Variants in EGFL7 observed in about 807,000 individuals in gnomAD.
The protein encoded by EGFL7 is EGF like domain multiple 7, also known as epidermal growth factor-like protein 7.
A neutral mutation model predicts 37.1 loss-of-function variants in EGFL7; 48 were observed. The observed-to-expected ratio is 1.29, with a 90% CI of 1.03 to 1.65. EGFL7 has a LOEUF of 1.65. Among genes scored for constraint, EGFL7 ranks in the 40% most tolerant of loss-of-function variants. EGFL7 has a pLI of 0.00. For synonymous variants in EGFL7, 180 were observed against 156.8 expected (o/e 1.15, Z -1.10); for missense variants, 384 against 378.9 (o/e 1.01, Z -0.11).
rs146409818 is a variant in EGFL7, at chr9:136,670,254, G to A, written c.495G>A (p.Glu165=). The A allele has an allele frequency of 7.1e-4, 1,142 of 1,612,536 alleles. 8 individuals carry two copies. The African/African-American group carries it at 0.013, about 19-fold the overall frequency. ...TAGSYWCQCW[E]GHSLSADGTL... is the part of the protein sequence containing the mutation. The stretch of plus-strand genomic sequence containing the variant: ...GCAGTTACTGGTGCCAGTGTTGGGA[G>A]GGGCACAGCCTGTCTGCAGACGGTA... Residue 165 remains glutamate, a synonymous_variant, in exon 8 of 11, where the codon GAG becomes GAA. Coordinates refer to ENST00000308874, the MANE Select transcript of EGFL7 (RefSeq NM_016215.5).
At chr9:136,670,549 G>A (rs1317197350) in intron 8 of EGFL7, 31 of 793,886 alleles carry the variant, frequency 3.9e-5, no homozygotes, top group East Asian at 2.0e-4. Context: ...GAAGTGCCCC[G>A]TCCCGGGGTC....
chr9:136,662,581 C>T (rs932449318), upstream of EGFL7, among the ~76,000 whole-genome samples: 4 of 152,192 alleles, frequency 2.6e-5, no homozygotes, highest in East Asian at 1.9e-4. Flanking sequence ...TCCAGCCACA[C>T]GTGAGCATGG....
chr9:136,671,963 C>A lies in EGFL7; in HGVS notation c.674C>A (p.Ala225Asp). Reference sequence around the variant, plus strand: ...GTGCTGGCCCCACTGCACAGCCTGGCCTCGCAGGCACTGGAGCATGGGCTC... The same window carrying A: ...GTGCTGGCCCCACTGCACAGCCTGGACTCGCAGGCACTGGAGCATGGGCTC... ...QLVLAPLHSL[A>D]SQALEHGLPD... is the part of the protein sequence containing the mutation. The change falls in exon 10 of 11, where the codon GCC (alanine) becomes GAC (aspartate). Residue 225 changes from alanine to aspartate, a missense_variant. Coordinates refer to ENST00000308874, the MANE Select transcript of EGFL7 (RefSeq NM_016215.5). The A allele has an allele frequency of 6.5e-7, 1 of 1,536,736 alleles. No individual in the cohort carries two copies. Among genetic ancestry groups the A allele is most frequent in the Non-Finnish European group, 8.7e-7 (1 of 1,144,524 alleles).
Position 136,669,727 on chromosome 9 carries a change from G to T in EGFL7, c.313+6G>T. The T allele has an allele frequency of 6.3e-7, 1 of 1,575,978 alleles. No homozygotes were observed. Among genetic ancestry groups the T allele is most frequent in the South Asian group, 1.1e-5 (1 of 87,002 alleles). On this transcript the variant is annotated splice_donor_region_variant and intron_variant, in intron 6 of 10. Transcript: ENST00000308874. ...TCCTGGGGCCTGTGGAGCAGGTGAG[G>T]GCTATGTCCCTCGGCGCCCGGTGTT...
intron 3 of EGFL7, among the ~76,000 whole-genome samples, chr9:136,665,237 A>T (rs1354896611): frequency 1.3e-5 from 2 of 152,210 alleles, no homozygotes; most frequent in Admixed American, 6.5e-5. Flanking sequence ...GCTAGGAGGC[A>T]GGCCTGGGCT....
At chr9:136,663,373 G>A (rs1845264281) in intron 1 of EGFL7, 35 bp from the exon 2 acceptor site, 1 of 152,502 alleles carries the variant, frequency 6.6e-6, no homozygotes, top group Non-Finnish European at 1.5e-5. Context: ...CCCTTCCCCT[G>A]AACCCCACCC....
chr9:136,664,471 T>C (rs1845336420), intron 2 of EGFL7, among the ~76,000 whole-genome samples: 1 of 151,700 alleles, frequency 6.6e-6, no homozygotes, highest in Non-Finnish European at 1.5e-5. Context: ...CTGGAGGCAA[T>C]AACCCCATTT....
intron 5 of EGFL7, 107 bp downstream of exon 5, chr9:136,668,780 A>C: frequency 9.6e-7 from 1 of 1,041,308 alleles, no homozygotes; most frequent in South Asian, 1.4e-5. Flanking sequence ...CCAAGATGGG[A>C]AACTGAGGCC....
At chr9:136,668,709 A>G in intron 5 of EGFL7, 36 bp downstream of exon 5, 1 of 1,551,952 alleles carries the variant, frequency 6.4e-7, no homozygotes, top group Non-Finnish European at 8.8e-7. Context: ...ACCCAGCCCC[A>G]GCCTCCCAAG....
upstream of EGFL7, among the ~76,000 whole-genome samples, chr9:136,662,653 A>G (rs1158441112): frequency 6.6e-6 from 1 of 152,046 alleles, no homozygotes; most frequent in Admixed American, 6.5e-5. Flanking sequence ...CACTCTCCCC[A>G]GGGTCTCCAG....
chr9:136,671,941 C>A lies in EGFL7; in HGVS notation c.652C>A (p.Leu218Met). The A allele has an allele frequency of 6.6e-7, 1 of 1,519,698 alleles. No individual in the cohort carries two copies. Among genetic ancestry groups the A allele is most frequent in the South Asian group, 1.2e-5 (1 of 81,048 alleles). The allele number at this position is 1,519,698 out of a possible 1,614,324, so 94.1% of individuals were successfully genotyped here. Residue 218 changes from leucine (L) to methionine (M), a missense_variant, in exon 10 of 11, where the codon CTG (leucine) becomes ATG (methionine). Transcript: ENST00000308874. ...GCACCCACAGAAGCTGCAGCTGGTG[C>A]TGGCCCCACTGCACAGCCTGGCCTC... ...DLLEEKLQLVLAPLHSLASQA... is the reference protein window; with the variant it reads ...DLLEEKLQLVMAPLHSLASQA...
At chr9:136,671,824 G>C (rs1057498437) in intron 9 of EGFL7, 102 bp from the exon 10 acceptor site, 2 of 1,384,354 alleles carry the variant, frequency 1.4e-6, no homozygotes, top group Admixed American at 6.1e-5. Flanking sequence ...CGGAGGCGGG[G>C]GCTGGAGGCT....
At chr9:136,669,778 C>A in intron 6 of EGFL7, 57 bp downstream of exon 6, 1 of 1,468,252 alleles carries the variant, frequency 6.8e-7, no homozygotes, top group Non-Finnish European at 9.2e-7. Context: ...CCCCAATCTT[C>A]CAGCAACGCT....
At chr9:136,662,774 A>C (rs1588220743), upstream of EGFL7, among the ~76,000 whole-genome samples, 4 of 148,502 alleles carry the variant, frequency 2.7e-5, no homozygotes, top group Non-Finnish European at 4.5e-5. Flanking sequence ...GGTGGCCCCC[A>C]CCCCCCTCAG....
intron 8 of EGFL7, 143 bp from the exon 9 acceptor site, chr9:136,670,807 G>C: frequency 1.2e-6 from 1 of 828,598 alleles, no homozygotes; most frequent in South Asian, 1.5e-5. Context: ...TGAGACCTCT[G>C]GCCAGCGCCA....
upstream of EGFL7, among the ~76,000 whole-genome samples, chr9:136,662,482 CA>C (rs1264394754): frequency 2.4e-3 from 368 of 152,326 alleles, 1 homozygote; most frequent in African/African-American, 8.5e-3. Flanking sequence ...GGGGCCCCTC[CA>C]AGCTCCCGTG....
At chr9:136,670,491 G>A (rs113790382) in intron 8 of EGFL7, 161 bp downstream of exon 8, 218 of 970,382 alleles carry the variant, frequency 2.2e-4, no homozygotes, top group African/African-American at 1.8e-3. Context: ...GTGGGTTCCC[G>A]AGAACTGGGG....
intron 8 of EGFL7, 43 bp downstream of exon 8, chr9:136,670,373 C>T (rs1305008170): frequency 6.6e-7 from 1 of 1,506,742 alleles, no homozygotes; most frequent in Non-Finnish European, 8.9e-7. Context: ...GGCGGGCAGG[C>T]AGTGGACATT....
At chr9:136,661,477 G>T (rs1441317208), upstream of EGFL7, among the ~76,000 whole-genome samples, 1 of 152,154 alleles carries the variant, frequency 6.6e-6, no homozygotes, top group East Asian at 1.9e-4. Flanking sequence ...CAACCTCAGG[G>T]CAGGGGCCAC....
Sources: gnomAD v4.1 joint callset for allele counts (sites outside exome capture counted in the v4.1 genomes callset) on GRCh38, gnomAD v4.1.1 for gene constraint, MANE v1.5 for transcripts, NCBI Gene and HGNC (gene_info 2026-07-23, HGNC 2026-07-21) for gene names.